The following RPGRIP1L variants were observed in gnomAD, a reference collection of about 807,000 sequenced individuals.
RPGRIP1L encodes protein fantom.
In RPGRIP1L, 131 loss-of-function variants were observed where a neutral mutation model predicts 160.4. The ratio of observed to expected loss-of-function variants is 0.82; its 90% confidence interval spans 0.71 to 0.94. The LOEUF (loss-of-function observed/expected upper bound fraction) is 0.94, where lower values mean the gene tolerates loss of function less well. Ranked by LOEUF, RPGRIP1L falls within the 40% of genes least tolerant of loss-of-function variation. The pLI, the probability that RPGRIP1L is intolerant of heterozygous loss-of-function variation, is 0.00. For synonymous variants in RPGRIP1L, 510 were observed against 515.8 expected (o/e 0.99, Z 0.15); for missense variants, 1,522 against 1,535.8 (o/e 0.99, Z 0.15).
intron 6 of RPGRIP1L, among the ~76,000 whole-genome samples, chr16:53,679,604 A>G (rs1411163643): frequency 7.2e-6 from 1 of 139,084 alleles, no homozygotes; most frequent in Non-Finnish European, 1.6e-5. Context: ...AGAAAGCCCA[A>G]TAAGAAACAT....
Position 53,637,860 on chromosome 16 carries a change from G to T in RPGRIP1L, c.3061-6C>A. 1 of 1,611,760 alleles carries T rather than the reference G, an allele frequency of 6.2e-7. No individual in the cohort carries two copies. Among genetic ancestry groups the T allele is most frequent in the Non-Finnish European group, 8.5e-7 (1 of 1,178,914 alleles). ...ACACTGCCTTCTTGTGAAACCTGAA[G>T]AAATCAAAGCACACTGGTATATTTA... On this transcript the variant is annotated splice_polypyrimidine_tract_variant and splice_region_variant and intron_variant, in intron 20 of 26. Transcript: ENST00000647211.
intron 5 of RPGRIP1L, among the ~76,000 whole-genome samples, chr16:53,687,418 T>C (rs1479359914): frequency 1.3e-5 from 2 of 152,138 alleles, no homozygotes; most frequent in African/African-American, 4.8e-5. Flanking sequence ...CATAGAATCA[T>C]ACGAAAACAA....
intron 7 of RPGRIP1L, among the ~76,000 whole-genome samples, chr16:53,673,377 T>C (rs1007574376): frequency 6.6e-6 from 1 of 152,200 alleles, no homozygotes; most frequent in Admixed American, 6.5e-5. Context: ...AAAAATGCTG[T>C]AGCATGGGTC....
intron 6 of RPGRIP1L, among the ~76,000 whole-genome samples, chr16:53,677,592 C>T (rs932182605): frequency 6.6e-6 from 1 of 152,076 alleles, no homozygotes; most frequent in African/African-American, 2.4e-5. Context: ...ACCTGACAAT[C>T]AACTCAACAT....
At chr16:53,664,806 A>G in intron 10 of RPGRIP1L, 64 bp downstream of exon 10, 1 of 1,560,422 alleles carries the variant, frequency 6.4e-7, no homozygotes, top group Admixed American at 1.7e-5. Flanking sequence ...GTAAGTACTG[A>G]CTGATTCAAT....
intron 26 of RPGRIP1L, among the ~76,000 whole-genome samples, chr16:53,603,863 G>T (rs1295249367): frequency 1.3e-5 from 2 of 152,052 alleles, no homozygotes; most frequent in Non-Finnish European, 2.9e-5. Flanking sequence ...TCACTTCTAT[G>T]GTTGCTGCAG....
chr16:53,688,073 G>T, intron 4 of RPGRIP1L, 108 bp from the exon 5 acceptor site: 1 of 741,218 alleles, frequency 1.3e-6, no homozygotes, highest in Non-Finnish European at 2.3e-6. Flanking sequence ...AGTATTAAGA[G>T]GTATGTGTTT....
At chr16:53,649,785 T>C (rs1259333869) in intron 15 of RPGRIP1L, among the ~76,000 whole-genome samples, 2 of 152,184 alleles carry the variant, frequency 1.3e-5, no homozygotes, top group African/African-American at 4.8e-5. Flanking sequence ...ACATCGTATG[T>C]CCTTGTTAGG....
chr16:53,697,899 T>A (rs918386150), intron 2 of RPGRIP1L, among the ~76,000 whole-genome samples: 3 of 127,562 alleles, frequency 2.4e-5, no homozygotes, highest in Non-Finnish European at 5.0e-5. Context: ...CCGGCCGCCA[T>A]CCCATCTAGG....
intron 3 of RPGRIP1L, chr16:53,693,444 A>G (rs1399121797): frequency 6.6e-6 from 1 of 152,224 alleles, no homozygotes; most frequent in Non-Finnish European, 1.5e-5. Flanking sequence ...TTCTGCCCTA[A>G]GCAGAGTCCG....
chr16:53,686,754 A>G (rs1034638325), intron 5 of RPGRIP1L, among the ~76,000 whole-genome samples, 178 bp from the exon 6 acceptor site: 4 of 152,156 alleles, frequency 2.6e-5, no homozygotes, highest in Non-Finnish European at 4.4e-5. Context: ...GGAAATACAT[A>G]CGGAACAATG....
rs761406856 is a variant in RPGRIP1L, at chr16:53,645,756, T to A, written c.2552A>T (p.Asp851Val). 1.2e-6 allele frequency: 2 copies of A among 1,614,108 alleles called. No homozygotes were observed. Among genetic ancestry groups the A allele is most frequent in the Non-Finnish European group, 1.7e-6 (2 of 1,180,014 alleles). ...CTCTGACTTAAGGTATCGATCCAAG[T>A]CCATATTCATTGGCACTGGGAAATA... ...HMYFPVPMNM[D>V]LDRYLKSESL... The change falls in exon 17 of 27, where the codon GAC (aspartate) becomes GTC (valine). Residue 851 changes from aspartate to valine, a missense_variant. Physicochemically the swap from Asp to Val is radical, Grantham distance 152. Transcript: ENST00000647211.
chr16:53,691,668 C>T (rs2151347637), intron 4 of RPGRIP1L, among the ~76,000 whole-genome samples: 1 of 152,346 alleles, frequency 6.6e-6, no homozygotes, highest in East Asian at 1.9e-4. Flanking sequence ...GATTTCAACA[C>T]TTTTGCAAAT....
rs142349647 is a variant in RPGRIP1L at position 53,649,028 on chromosome 16, C to T, written c.2240G>A (p.Arg747Gln). Residue 747 changes from arginine to glutamine, a missense_variant, in exon 16 of 27, where the codon CGA becomes CAA. Arg to Gln is a conservative substitution (Grantham distance 43). Transcript: ENST00000647211. Reference protein sequence around the residue: ...VPMDQAIRLYRERAKALGYIT... With the variant: ...VPMDQAIRLYQERAKALGYIT... Reference sequence around the variant, plus strand: ...ATACCCCAAAGCCTTTGCCCTTTCTCGATAAAGTCGAATTGCTTGATCCAT... The same window carrying T: ...ATACCCCAAAGCCTTTGCCCTTTCTTGATAAAGTCGAATTGCTTGATCCAT... The T allele has an allele frequency of 1.2e-3, 1,969 of 1,613,934 alleles. 6 individuals carry two copies. The highest frequency in any genetic ancestry group is 1.6e-3 in the Non-Finnish European group (1,862 of 1,179,844).
intron 2 of RPGRIP1L, among the ~76,000 whole-genome samples, chr16:53,699,068 C>G (rs922327934): frequency 3.3e-5 from 5 of 152,104 alleles, no homozygotes; most frequent in African/African-American, 9.7e-5. Context: ...GCCTTGGGAT[C>G]CTGTTGATCT....
intron 19 of RPGRIP1L, among the ~76,000 whole-genome samples, chr16:53,639,583 T>C (rs1966073068): frequency 1.3e-5 from 2 of 152,152 alleles, no homozygotes; most frequent in Non-Finnish European, 2.9e-5. Flanking sequence ...TCTATGTTTA[T>C]GTCTTTTTAA....
chr16:53,633,160 C>T (rs1965625134), intron 22 of RPGRIP1L, among the ~76,000 whole-genome samples: 2 of 152,286 alleles, frequency 1.3e-5, no homozygotes, highest in South Asian at 4.1e-4. Context: ...TTACCAGAAG[C>T]AGTTCTTAGA....
chr16:53,684,818 C>T lies in RPGRIP1L; in HGVS notation c.776+1615G>A, dbSNP rs769274352. On this transcript the variant is annotated intron_variant, in intron 6 of 26. Coordinates refer to ENST00000647211, the MANE Select transcript of RPGRIP1L (RefSeq NM_015272.5). The stretch of plus-strand genomic sequence containing the variant: ...ATAGGCATGGGCAAAGTTTTCACAA[C>T]GAAGATGCCAAAAGCAATTGCAGCA... 1.2e-4 allele frequency among the ~76,000 whole-genome samples: 18 copies of T among 150,228 alleles called. 1 individual carries two copies. The highest frequency in any genetic ancestry group is 6.3e-4 in the South Asian group (3 of 4,754).
rs1045699211 is a variant in RPGRIP1L, at chr16:53,671,453, T to A, written c.1103+57A>T. The A allele has an allele frequency of 4.6e-6, 5 of 1,087,908 alleles. No homozygotes were observed. The Admixed American group carries it at 5.1e-5, about 11-fold the overall frequency. The allele number at this position is 1,087,908 out of a possible 1,614,324, so 67.4% of individuals were successfully genotyped here. ...GATCTATTCTGACAACAGCAAATGC[T>A]TACATATAAAAGAGCTCAAACAAGA... On this transcript the variant is annotated intron_variant, in intron 9 of 26. Coordinates refer to ENST00000647211, the MANE Select transcript of RPGRIP1L (RefSeq NM_015272.5).
Sources: gnomAD v4.1 joint callset for allele counts (sites outside exome capture counted in the v4.1 genomes callset) on GRCh38, gnomAD v4.1.1 for gene constraint, MANE v1.5 for transcripts, NCBI Gene and HGNC (gene_info 2026-07-23, HGNC 2026-07-21) for gene names.